Variants in TLCD3B observed in about 807,000 individuals in gnomAD.
The protein encoded by TLCD3B is TLC domain containing 3B, also known as ceramide synthase.
In TLCD3B, 9 loss-of-function variants were observed where a neutral mutation model predicts 23.0. That is an observed-to-expected ratio of 0.39 (90% CI 0.24 to 0.68). The LOEUF (loss-of-function observed/expected upper bound fraction) is 0.68, where lower values mean the gene tolerates loss of function less well. Among genes scored for constraint, TLCD3B ranks in the 30% least tolerant of loss-of-function variants. The pLI, the probability that TLCD3B is intolerant of heterozygous loss-of-function variation, is 0.44. For missense variants in TLCD3B, 307 were observed against 371.8 expected, an observed-to-expected ratio of 0.83 and a Z score of 1.43; for synonymous variants, 161 against 161.0, an observed-to-expected ratio of 1.00 and a Z score of 0.00.
chr16:30,044,152 A>T (rs1310000268), intron 2 of TLCD3B, among the ~76,000 whole-genome samples: 1 of 149,340 alleles, frequency 6.7e-6, no homozygotes. Flanking sequence ...GTGTGCCATC[A>T]CACTTGGCTA....
At position 30,030,689 on chromosome 16, in the gene TLCD3B, G is replaced by A. The variant is rs2071331071; in HGVS notation, c.-162C>T. ...CAGGGCGGGGACGGGATGGGGCCAG[G>A]GAGTCCGATGAAACTGGGGAGTCGG... On this transcript the variant is annotated 5_prime_UTR_variant, in exon 1 of 5. Transcript: ENST00000380495. 6 of 1,242,610 alleles carry A rather than the reference G, an allele frequency of 4.8e-6. No homozygotes were observed. The South Asian group carries it at 1.4e-4, about 29-fold the overall frequency. The allele number at this position is 1,242,610 out of a possible 1,614,324, so 77.0% of individuals were successfully genotyped here.
intron 2 of TLCD3B, among the ~76,000 whole-genome samples, chr16:30,045,529 ATGTGTGGTGTGTG>A (rs1275861898): frequency 3.6e-5 from 2 of 56,266 alleles, no homozygotes; most frequent in East Asian, 6.0e-4. Flanking sequence ...TGTGTGTGGT[ATGTGTGGTGTGTG>A]TGTGTGGTGT....
intron 1 of TLCD3B, chr16:30,030,199 C>T: frequency 8.3e-6 from 11 of 1,327,968 alleles, no homozygotes; most frequent in Non-Finnish European, 1.2e-5. Flanking sequence ...CACTAGTAGA[C>T]CAGATGGCCG....
intron 2 of TLCD3B, among the ~76,000 whole-genome samples, chr16:30,042,375 C>A (rs994271438): frequency 6.6e-6 from 1 of 151,956 alleles, no homozygotes; most frequent in Admixed American, 6.6e-5. Context: ...AGGCGCCCAC[C>A]ACCACACCCA....
upstream of TLCD3B, among the ~76,000 whole-genome samples, chr16:30,031,486 G>C (rs1013588268): frequency 1.3e-5 from 2 of 152,202 alleles, no homozygotes; most frequent in Non-Finnish European, 2.9e-5. Context: ...CTTCCCATCA[G>C]CACTTTGCAA....
In TLCD3B at chr16:30,029,987, T is replaced by G; in HGVS notation, c.125+416A>C. 2.3e-6 allele frequency: 3 copies of G among 1,297,572 alleles called. No individual in the cohort carries two copies. Among genetic ancestry groups the G allele is most frequent in the Non-Finnish European group, 3.1e-6 (3 of 979,408 alleles). 80.4% of individuals were successfully genotyped at this position (1,297,572 alleles called of 1,614,324 possible). On this transcript the variant is annotated intron_variant, in intron 1 of 4. Coordinates refer to ENST00000380495, the MANE Select transcript of TLCD3B (RefSeq NM_031478.6). This position sits in a 1 kb window ranked among gnomAD's most constrained non-coding sequence, Gnocchi z 4.6. ...TCCTGACTGCCACCAGCCTCCACTC[T>G]GCACTCTGGCCCTGTTCTAGGGGTG...
At chr16:30,044,949 C>T (rs778073897) in intron 2 of TLCD3B, among the ~76,000 whole-genome samples, 16 of 151,732 alleles carry the variant, frequency 1.1e-4, no homozygotes, top group East Asian at 1.9e-4. Flanking sequence ...AAAAATTAGC[C>T]GGGCGTGGTG....
rs2071094480 is a variant in TLCD3B, at chr16:30,025,670, C to T, written c.540+56G>A. ...GCCCTTGGCAGCAACCTTGAAGGTC[C>T]CTCCCCTTCCTGTGACCTCCCCATT... On this transcript the variant is annotated intron_variant, in intron 4 of 4. Coordinates refer to ENST00000380495, the MANE Select transcript of TLCD3B (RefSeq NM_031478.6). The surrounding 1 kb of genome is among the most constrained non-coding windows in gnomAD (Gnocchi z 4.1). 2 of 1,560,190 alleles carry T rather than the reference C, an allele frequency of 1.3e-6. No homozygotes were observed. Among genetic ancestry groups the T allele is most frequent in the African/African-American group, 1.4e-5 (1 of 73,890 alleles).
intron 2 of TLCD3B, among the ~76,000 whole-genome samples, chr16:30,028,133 G>A (rs1034623909): frequency 1.3e-5 from 2 of 152,218 alleles, no homozygotes; most frequent in African/African-American, 4.8e-5. Flanking sequence ...GGAGGAGTCA[G>A]GGCAGGAAGC....
In TLCD3B at chr16:30,025,691, C is replaced by T. The variant is rs1450700171; in HGVS notation, c.540+35G>A. 3 of 1,602,538 alleles carry T rather than the reference C, an allele frequency of 1.9e-6. No homozygotes were observed. Among genetic ancestry groups the T allele is most frequent in the South Asian group, 1.1e-5 (1 of 90,854 alleles). ...GGTCCCTCCCCTTCCTGTGACCTCC[C>T]CATTGGGCTCCTGCACCCTCCCATG... On this transcript the variant is annotated intron_variant, in intron 4 of 4. Transcript: ENST00000380495. This position sits in a 1 kb window ranked among gnomAD's most constrained non-coding sequence, Gnocchi z 4.1.
At chr16:30,037,251 T>C (rs2071491645) in intron 3 of TLCD3B, among the ~76,000 whole-genome samples, 1 of 149,904 alleles carries the variant, frequency 6.7e-6, no homozygotes, top group African/African-American at 2.5e-5. Flanking sequence ...TACAAAAAAT[T>C]AGAATAATAG....
chr16:30,035,564 C>T (rs2071452522), upstream of TLCD3B: 1 of 1,233,068 alleles, frequency 8.1e-7, no homozygotes, highest in Admixed American at 2.5e-5. Context: ...CTTCTTCACC[C>T]CCAATGAGGC....
At chr16:30,050,371 T>C (rs2071731955) in intron 1 of TLCD3B, among the ~76,000 whole-genome samples, 1 of 152,082 alleles carries the variant, frequency 6.6e-6, no homozygotes, top group African/African-American at 2.4e-5. Flanking sequence ...AGACCCCGTC[T>C]ATACAAAAAA....
Position 30,024,829 on chromosome 16 carries a change from A to C in TLCD3B, c.*354T>G. ...GGGGAGCCCTGGGGGATGGCAGCAT[A>C]GGGGCTGGGATGGCCTTGGCAGAGG... is the stretch of plus-strand genomic sequence containing the variant. On this transcript the variant is annotated 3_prime_UTR_variant, in exon 5 of 5. Transcript: ENST00000380495. The C allele has an allele frequency of 8.3e-6, 2 of 240,176 alleles. No individual in the cohort carries two copies. Among genetic ancestry groups the C allele is most frequent in the Non-Finnish European group, 1.6e-5 (2 of 126,438 alleles). 14.9% of individuals were successfully genotyped at this position (240,176 alleles called of 1,614,324 possible).
At chr16:30,026,167 G>A (rs1220924710) in intron 3 of TLCD3B, among the ~76,000 whole-genome samples, 8 of 150,716 alleles carry the variant, frequency 5.3e-5, no homozygotes, top group Non-Finnish European at 8.9e-5. Flanking sequence ...CTCAGGAGGC[G>A]GAGGTTTCAG....
At chr16:30,044,500 CAG>C (rs2071626808) in intron 2 of TLCD3B, among the ~76,000 whole-genome samples, 1 of 147,898 alleles carries the variant, frequency 6.8e-6, no homozygotes. Context: ...TTAGTAGAGA[CAG>C]GGTTTCAACC....
At position 30,026,820 on chromosome 16, in the gene TLCD3B, G is replaced by T. The variant is rs374049019; in HGVS notation, c.233C>A (p.Thr78Lys). The change falls in exon 3 of 5, where the codon ACG becomes AAG. Residue 78 changes from threonine (T) to lysine (K), a missense_variant. By Grantham distance (78) the Thr-to-Lys change is moderately conservative. Coordinates refer to ENST00000380495, the MANE Select transcript of TLCD3B (RefSeq NM_031478.6). ...DDQHWLSSAY[T>K]QFAVPYFIYD... ...GATGAAGTAGGGCACAGCAAATTGCGTGTAGGCAGAGGACAGCCAGTGTCT... is the reference window on the plus strand; with the variant it reads ...GATGAAGTAGGGCACAGCAAATTGCTTGTAGGCAGAGGACAGCCAGTGTCT... 6.2e-7 allele frequency: 1 copy of T among 1,613,994 alleles called. No homozygotes were observed. The highest frequency in any genetic ancestry group is 8.5e-7 in the Non-Finnish European group (1 of 1,180,012).
chr16:30,035,363 A>T, upstream of TLCD3B: 1 of 1,289,638 alleles, frequency 7.8e-7, no homozygotes, highest in Non-Finnish European at 1.0e-6. Context: ...GGATGCTACC[A>T]GGACAGCCTC....
At chr16:30,050,494 A>C (rs1474614869) in intron 1 of TLCD3B, among the ~76,000 whole-genome samples, 1 of 152,194 alleles carries the variant, frequency 6.6e-6, no homozygotes, top group Non-Finnish European at 1.5e-5. Flanking sequence ...GTGAGCCATG[A>C]TTGTGCCATT....
Sources: gnomAD v4.1 joint callset for allele counts (sites outside exome capture counted in the v4.1 genomes callset) on GRCh38, gnomAD v4.1.1 for gene constraint, Gnocchi (gnomAD v3.1) non-coding constraint, MANE v1.5 for transcripts, NCBI Gene and HGNC (gene_info 2026-07-23, HGNC 2026-07-21) for gene names.